PPP1R9A: variants seen among roughly 807,000 people sequenced by gnomAD.
PPP1R9A encodes neurabin-1.
In PPP1R9A, 59 loss-of-function variants were observed where a neutral mutation model predicts 141.9. The observed-to-expected ratio is 0.42, with a 90% CI of 0.34 to 0.52. PPP1R9A has a LOEUF of 0.52. Ranked by LOEUF, PPP1R9A falls within the 20% of genes least tolerant of loss-of-function variation. The probability of loss-of-function intolerance (pLI) is 0.10; values close to 1 mark genes in which losing one functional copy is unlikely to be tolerated. For missense variants in PPP1R9A, 1,444 were observed against 1,611.9 expected (o/e 0.90, Z 1.78); for synonymous variants, 500 against 569.7 (o/e 0.88, Z 1.74).
At chr7:94,928,075 C>T (rs1473970946) in intron 2 of PPP1R9A, among the ~76,000 whole-genome samples, 3 of 152,102 alleles carry the variant, frequency 2.0e-5, no homozygotes, top group African/African-American at 7.2e-5. Context: ...CTACCTTTAT[C>T]AGGAGGAGAG....
At chr7:95,149,351 C>A (rs1287602115) in intron 4 of PPP1R9A, among the ~76,000 whole-genome samples, 3 of 151,990 alleles carry the variant, frequency 2.0e-5, no homozygotes, top group African/African-American at 7.2e-5. Context: ...CAATGATATC[C>A]TTTCTTACAG....
At chr7:95,286,590 T>C (rs1245120040) in intron 18 of PPP1R9A, among the ~76,000 whole-genome samples, 1 of 152,054 alleles carries the variant, frequency 6.6e-6, no homozygotes, top group Non-Finnish European at 1.5e-5. Context: ...GAGTTAAACA[T>C]GGGGGAACAG....
intron 2 of PPP1R9A, among the ~76,000 whole-genome samples, chr7:94,967,611 A>G (rs1266542121): frequency 2.6e-5 from 4 of 151,906 alleles, no homozygotes; most frequent in African/African-American, 9.7e-5. Context: ...TTCAGTTTCC[A>G]TGTAGTTGCG....
intron 12 of PPP1R9A, among the ~76,000 whole-genome samples, chr7:95,257,725 T>G (rs556979679): frequency 6.6e-6 from 1 of 152,198 alleles, no homozygotes; most frequent in East Asian, 1.9e-4. Context: ...GTCCATGTGT[T>G]CTCACTGTTC....
chr7:95,221,164 G>A (rs1030092896), intron 7 of PPP1R9A, among the ~76,000 whole-genome samples: 3 of 152,112 alleles, frequency 2.0e-5, no homozygotes, highest in African/African-American at 7.2e-5. Flanking sequence ...ACCAGCAGCA[G>A]CAACAATAGC....
At chr7:95,084,111 A>G (rs1816293949) in intron 2 of PPP1R9A, among the ~76,000 whole-genome samples, 2 of 152,070 alleles carry the variant, frequency 1.3e-5, no homozygotes, top group Admixed American at 6.5e-5. Context: ...TGTATATGCC[A>G]TAGGCATCAG....
chr7:94,968,584 T>C (rs1286139210), intron 2 of PPP1R9A, among the ~76,000 whole-genome samples: 1 of 152,188 alleles, frequency 6.6e-6, no homozygotes, highest in Admixed American at 6.5e-5. Context: ...AGCCTATGTG[T>C]GTCTTAGCAC....
chr7:94,921,593 A>G (rs1360539042), intron 2 of PPP1R9A, among the ~76,000 whole-genome samples: 1 of 152,092 alleles, frequency 6.6e-6, no homozygotes, highest in Non-Finnish European at 1.5e-5. Context: ...GTTAATTGAT[A>G]TTATATATGT....
At chr7:94,971,034 T>A (rs1798802144) in intron 2 of PPP1R9A, among the ~76,000 whole-genome samples, 1 of 152,190 alleles carries the variant, frequency 6.6e-6, no homozygotes, top group Non-Finnish European at 1.5e-5. Context: ...GTGGCAGAAT[T>A]TGTGTAAGAA....
intron 5 of PPP1R9A, among the ~76,000 whole-genome samples, chr7:95,173,443 A>T (rs1322472824): frequency 6.6e-6 from 1 of 152,036 alleles, no homozygotes; most frequent in Non-Finnish European, 1.5e-5. Flanking sequence ...AAAAATTTTT[A>T]ATGCAATATA....
intron 2 of PPP1R9A, among the ~76,000 whole-genome samples, chr7:94,940,836 A>G (rs1177527384): frequency 1.3e-5 from 2 of 152,108 alleles, no homozygotes; most frequent in Non-Finnish European, 2.9e-5. Flanking sequence ...TTTGTAAATT[A>G]GAACACTTAA....
intron 2 of PPP1R9A, among the ~76,000 whole-genome samples, chr7:94,948,561 G>A (rs1483030333): frequency 6.6e-6 from 1 of 152,212 alleles, no homozygotes; most frequent in South Asian, 2.1e-4. Context: ...TTCCAGGCTA[G>A]CCTACAGAAG....
At chr7:95,071,000 A>G (rs1252271576) in intron 2 of PPP1R9A, among the ~76,000 whole-genome samples, 2 of 151,940 alleles carry the variant, frequency 1.3e-5, no homozygotes, top group African/African-American at 4.8e-5. Flanking sequence ...AAGGGGAAAA[A>G]GAGGAGACAG....
intron 4 of PPP1R9A, among the ~76,000 whole-genome samples, chr7:95,148,804 T>C (rs1031049343): frequency 6.6e-6 from 1 of 152,100 alleles, no homozygotes; most frequent in Non-Finnish European, 1.5e-5. Context: ...AATCCTCTCC[T>C]ATCTCTTCCA....
chr7:95,228,616 T>C (rs1455281291), intron 8 of PPP1R9A, among the ~76,000 whole-genome samples: 1 of 152,196 alleles, frequency 6.6e-6, no homozygotes, highest in Admixed American at 6.5e-5. Context: ...CTAAGTCGCA[T>C]CATTCCAACT....
At chr7:95,169,968 AGTT>A (rs1831859159) in intron 5 of PPP1R9A, among the ~76,000 whole-genome samples, 1 of 151,906 alleles carries the variant, frequency 6.6e-6, no homozygotes, top group Non-Finnish European at 1.5e-5. Context: ...ACATTAAAAT[AGTT>A]GTTATAATTA....
chr7:95,231,426 C>CCCAACAATTGCAGAATATACATTCTAT lies in PPP1R9A; in HGVS notation c.2112+5311_2112+5337dup, dbSNP rs1795927170. 4.6e-5 allele frequency among the ~76,000 whole-genome samples: 7 copies of CCCAACAATTGCAGAATATACATTCTAT among 152,210 alleles called. No homozygotes were observed. The South Asian group carries it at 1.5e-3, about 32-fold the overall frequency. Reference sequence around the variant, plus strand: ...TCACAGATATTTGTGGAACATTCTACCCAACAATTGCAGAATATACATTCT... The same window carrying CCCAACAATTGCAGAATATACATTCTAT: ...TCACAGATATTTGTGGAACATTCTACCCAACAATTGCAGAATATACATTCTATCCAACAATTGCAGAATATACATTCT... On this transcript the variant is annotated intron_variant, in intron 8 of 19. Coordinates refer to ENST00000433360, the MANE Select transcript of PPP1R9A (RefSeq NM_001166160.2).
chr7:95,207,089 G>A (rs752024914), intron 7 of PPP1R9A, among the ~76,000 whole-genome samples: 2 of 151,918 alleles, frequency 1.3e-5, no homozygotes, highest in Non-Finnish European at 2.9e-5. Context: ...CTTTCCTTGG[G>A]CGTTCATCTT....
rs796352547 is a variant in PPP1R9A, at chr7:94,928,731, A to AT, written c.1395+17232dup. Among the ~76,000 whole-genome samples, 34 of 151,562 alleles carry AT rather than the reference A, an allele frequency of 2.2e-4. 1 individual carries two copies. Among genetic ancestry groups the AT allele is most frequent in the Admixed American group, 6.6e-4 (10 of 15,178 alleles). On this transcript the variant is annotated intron_variant, in intron 2 of 19. Coordinates refer to ENST00000433360, the MANE Select transcript of PPP1R9A (RefSeq NM_001166160.2). Reference sequence around the variant, plus strand: ...ATTGATAAAACATGAGTGTGAAAATATTTTTTTTTGCTATAAAAATGTAAA... The same window carrying AT: ...ATTGATAAAACATGAGTGTGAAAATATTTTTTTTTTGCTATAAAAATGTAAA...
Sources: gnomAD v4.1 joint callset for allele counts (sites outside exome capture counted in the v4.1 genomes callset) on GRCh38, gnomAD v4.1.1 for gene constraint, MANE v1.5 for transcripts, NCBI Gene and HGNC (gene_info 2026-07-23, HGNC 2026-07-21) for gene names.